RABGEF1: variants seen among roughly 807,000 people sequenced by gnomAD.
RABGEF1 encodes rab5 GDP/GTP exchange factor.
A neutral mutation model predicts 57.3 loss-of-function variants in RABGEF1; 26 were observed. The observed-to-expected ratio is 0.45, with a 90% CI of 0.33 to 0.63. The LOEUF is 0.63. RABGEF1 is among the 20% of genes least tolerant of loss of function. The pLI is 0.02. For missense variants in RABGEF1, 464 were observed against 607.6 expected, an observed-to-expected ratio of 0.76 and a Z score of 2.48; for synonymous variants, 185 against 210.7, an observed-to-expected ratio of 0.88 and a Z score of 1.06.
At chr7:66,735,225 G>C (rs1292132896) in intron 2 of RABGEF1, among the ~76,000 whole-genome samples, 1 of 152,116 alleles carries the variant, frequency 6.6e-6, no homozygotes, top group Non-Finnish European at 1.5e-5. Context: ...ATCATGGCTT[G>C]CATTTTTAGG....
chr7:66,695,808 A>G (rs1359487448), intron 1 of RABGEF1, among the ~76,000 whole-genome samples: 1 of 152,044 alleles, frequency 6.6e-6, no homozygotes, highest in Non-Finnish European at 1.5e-5. Context: ...TTTACTAAAA[A>G]TACAAAAATT....
chr7:66,742,830 C>G (rs1192456189), intron 1 of RABGEF1, among the ~76,000 whole-genome samples: 1 of 152,132 alleles, frequency 6.6e-6, no homozygotes, highest in Non-Finnish European at 1.5e-5. Flanking sequence ...TGATCTCAAA[C>G]TCCTGCACTC....
intron 1 of RABGEF1, among the ~76,000 whole-genome samples, chr7:66,746,670 C>T (rs971145793): frequency 7.3e-6 from 1 of 136,870 alleles, no homozygotes; most frequent in African/African-American, 2.7e-5. Context: ...GTCACCCAGG[C>T]TGGAGTGTGG....
Position 66,746,941 on chromosome 7 carries a change from G to T in RABGEF1, c.-18+6149G>T, listed in dbSNP as rs576585604. Among the ~76,000 whole-genome samples the T allele has an allele frequency of 5.3e-3, 804 of 151,756 alleles. 2 individuals are homozygous for T. Among genetic ancestry groups the T allele is most frequent in the Non-Finnish European group, 9.8e-3 (667 of 67,924 alleles). ...CCAAGTAGCTGGTGTTAACAGGCACGCGCCACCATGCTGAGCTAATTTTTT... is the reference window on the plus strand; with the variant it reads ...CCAAGTAGCTGGTGTTAACAGGCACTCGCCACCATGCTGAGCTAATTTTTT... On this transcript the variant is annotated intron_variant, in intron 1 of 8. Coordinates refer to ENST00000284957, the MANE Select transcript of RABGEF1 (RefSeq NM_014504.3).
At chr7:66,717,304 A>G (rs537996137) in intron 2 of RABGEF1, among the ~76,000 whole-genome samples, 1 of 152,306 alleles carries the variant, frequency 6.6e-6, no homozygotes, top group South Asian at 2.1e-4. Flanking sequence ...CCTGGCTATC[A>G]TGTAGGTTCC....
chr7:66,720,552 C>T (rs1795931627), intron 2 of RABGEF1, among the ~76,000 whole-genome samples: 1 of 151,334 alleles, frequency 6.6e-6, no homozygotes, highest in Non-Finnish European at 1.5e-5. Flanking sequence ...AGGGAACTAT[C>T]TCAACCAGAA....
chr7:66,762,056 A>G (rs1804520408), intron 1 of RABGEF1, among the ~76,000 whole-genome samples: 2 of 151,430 alleles, frequency 1.3e-5, no homozygotes, highest in South Asian at 4.2e-4. Flanking sequence ...CCTGTCTCAA[A>G]AAAAAACAAA....
rs1375213366 is a variant in RABGEF1 at position 66,760,223 on chromosome 7, A to G, written c.-17-11660A>G. Among the ~76,000 whole-genome samples the G allele has an allele frequency of 5.3e-5, 8 of 152,050 alleles. No individual in the cohort carries two copies. In the South Asian group the frequency reaches 6.2e-4, roughly 12 times the overall value. ...ACACTCTTAACCTGGAAAAAGCACT[A>G]ATTTGTCCTCCATATCTGTGGTTTT... On this transcript the variant is annotated intron_variant, in intron 1 of 8. Transcript: ENST00000284957.
chr7:66,745,254 C>G (rs1382053359), intron 1 of RABGEF1, among the ~76,000 whole-genome samples: 1 of 151,926 alleles, frequency 6.6e-6, no homozygotes, highest in Non-Finnish European at 1.5e-5. Context: ...AACTAAAATT[C>G]TGTTTACTTA....
In RABGEF1 at chr7:66,809,247, T is replaced by G; in HGVS notation, c.1439T>G (p.Leu480Arg). 1.2e-6 allele frequency: 2 copies of G among 1,611,664 alleles called. No homozygotes were observed. Among genetic ancestry groups the G allele is most frequent in the Non-Finnish European group, 1.7e-6 (2 of 1,178,236 alleles). ...IDSENVENDK[L>R]PPPLQPQVYA... The stretch of plus-strand genomic sequence containing the variant: ...TCTGAAAACGTTGAAAATGATAAAC[T>G]TCCTCCACCACTGCAACCTCAAGTT... The change falls in exon 9 of 9, where the codon CTT becomes CGT. Residue 480 changes from leucine to arginine, a missense_variant. By Grantham distance (102) the Leu-to-Arg change is moderately radical. Coordinates refer to ENST00000284957, the MANE Select transcript of RABGEF1 (RefSeq NM_014504.3).
rs540794271 is a variant in RABGEF1, at chr7:66,705,443, A to AAGACAGAGAGAG, written c.-872-6721_-872-6720insCAGAGAGAGAGA. 6.4e-3 allele frequency among the ~76,000 whole-genome samples: 422 copies of AAGACAGAGAGAG among 66,370 alleles called. 42 individuals carry two copies. Among genetic ancestry groups the AAGACAGAGAGAG allele is most frequent in the Middle Eastern group, 0.011 (1 of 92 alleles). 43.5% of individuals were successfully genotyped at this position (66,370 alleles called of 152,430 possible). ...CAGAGCGAAACTCCATCTCGAAAGA[A>AAGACAGAGAGAG]AGAGAGAGAGAGAGAGAGAGAGAGA... On this transcript the variant is annotated intron_variant and NMD_transcript_variant, in intron 1 of 9. Coordinates refer to the RABGEF1 transcript ENST00000607882.
chr7:66,660,207 G>C, the RABGEF1 span, among the ~76,000 whole-genome samples: 3 of 152,054 alleles, frequency 2.0e-5, no homozygotes, highest in East Asian at 1.9e-4. Context: ...AATCAGCCGG[G>C]TGTGGTGGCG....
upstream of RABGEF1, among the ~76,000 whole-genome samples, chr7:66,736,620 G>A (rs1797971050): frequency 6.6e-6 from 1 of 152,184 alleles, no homozygotes. Context: ...GGCAGGTGAT[G>A]AGGGTGAGGC....
chr7:66,726,048 G>A (rs547582643), intron 2 of RABGEF1, among the ~76,000 whole-genome samples: 18 of 152,280 alleles, frequency 1.2e-4, no homozygotes, highest in African/African-American at 3.9e-4. Flanking sequence ...CTCTCGGGAG[G>A]ACCTGCCAGC....
In RABGEF1 at chr7:66,796,661, C is replaced by T. The variant is rs186519371; in HGVS notation, c.596-713C>T. Reference sequence around the variant, plus strand: ...AAGCTGGAGTACAGTGGTGTGACCTCGGCTCACTGCAACTCTGCCTCCCAG... The same window carrying T: ...AAGCTGGAGTACAGTGGTGTGACCTTGGCTCACTGCAACTCTGCCTCCCAG... On this transcript the variant is annotated intron_variant, in intron 5 of 8. Coordinates refer to ENST00000284957, the MANE Select transcript of RABGEF1 (RefSeq NM_014504.3). 48 of 262,586 alleles carry T rather than the reference C, an allele frequency of 1.8e-4. No homozygotes were observed. The East Asian group carries it at 6.4e-3, about 35-fold the overall frequency. 16.3% of individuals were successfully genotyped at this position (262,586 alleles called of 1,614,324 possible). A position where few individuals can be genotyped will look rare whatever the true frequency, so the allele number is the denominator to read the frequency against.
the RABGEF1 span, among the ~76,000 whole-genome samples, chr7:66,671,998 T>C: frequency 6.6e-6 from 1 of 151,714 alleles, no homozygotes; most frequent in Non-Finnish European, 1.5e-5. Flanking sequence ...TGATTTTTTG[T>C]AGGAATGAGG....
chr7:66,800,975 G>A (rs1327958483), intron 7 of RABGEF1, among the ~76,000 whole-genome samples: 7 of 152,236 alleles, frequency 4.6e-5, no homozygotes, highest in African/African-American at 1.4e-4. Flanking sequence ...TGTGGGTCAC[G>A]TTCTTCTAGG....
chr7:66,796,353 A>G (rs1785921466), intron 5 of RABGEF1, among the ~76,000 whole-genome samples: 1 of 152,188 alleles, frequency 6.6e-6, no homozygotes, highest in African/African-American at 2.4e-5. Context: ...CCATTTGTAT[A>G]CCTCAGAGAG....
At chr7:66,708,994 G>A (rs1488276617) in intron 1 of RABGEF1, among the ~76,000 whole-genome samples, 1 of 151,564 alleles carries the variant, frequency 6.6e-6, no homozygotes, top group South Asian at 2.1e-4. Flanking sequence ...TTCTGCATCA[G>A]TAGTATGACC....
Sources: gnomAD v4.1 joint callset for allele counts (sites outside exome capture counted in the v4.1 genomes callset) on GRCh38, gnomAD v4.1.1 for gene constraint, MANE v1.5 for transcripts, NCBI Gene and HGNC (gene_info 2026-07-23, HGNC 2026-07-21) for gene names.